Variants in ARL6IP6 observed in about 807,000 individuals in gnomAD.
ARL6IP6 encodes the protein ARF like GTPase 6 interacting protein 6.
Under a neutral mutation model 21.5 loss-of-function variants are expected in ARL6IP6, and 22 were observed. The ratio of observed to expected loss-of-function variants is 1.02; its 90% CI spans 0.73 to 1.46. ARL6IP6 has a LOEUF of 1.46. ARL6IP6 is among the 40% of genes most tolerant of loss of function. The probability of loss-of-function intolerance (pLI) is 0.00; values close to 1 mark genes in which losing one functional copy is unlikely to be tolerated. For missense variants in ARL6IP6, 388 were observed against 299.8 expected (o/e 1.29, Z -2.17); for synonymous variants, 164 against 125.3 (o/e 1.31, Z -2.06).
intron 2 of ARL6IP6, among the ~76,000 whole-genome samples, chr2:152,724,126 A>C (rs181211237): frequency 1.0e-5 from 1 of 100,074 alleles, no homozygotes; most frequent in Non-Finnish European, 2.9e-5. Context: ...AAAAAAAAAA[A>C]AGAGAGAAAG....
chr2:152,719,141 C>G, intron 1 of ARL6IP6, 117 bp downstream of exon 1: 1 of 1,193,362 alleles, frequency 8.4e-7, no homozygotes, highest in Non-Finnish European at 1.1e-6. Context: ...CAGCTGCTTT[C>G]ACCCAGAGTC....
intron 3 of ARL6IP6, among the ~76,000 whole-genome samples, chr2:152,739,279 C>A (rs1700699821): frequency 2.0e-5 from 3 of 152,142 alleles, no homozygotes; most frequent in Admixed American, 2.0e-4. Context: ...GCCACCGCAC[C>A]CAGCCAAAAC....
At chr2:152,736,492 T>C (rs1464321922) in intron 3 of ARL6IP6, among the ~76,000 whole-genome samples, 4 of 152,202 alleles carry the variant, frequency 2.6e-5, no homozygotes, top group Non-Finnish European at 5.9e-5. Context: ...GAAATTCTTA[T>C]TCATTGTATT....
intron 2 of ARL6IP6, among the ~76,000 whole-genome samples, chr2:152,729,006 C>G (rs572713929): frequency 2.7e-5 from 4 of 148,078 alleles, no homozygotes; most frequent in Non-Finnish European, 6.0e-5. Context: ...TGCAGTGAGC[C>G]GAGATTGCGC....
At chr2:152,742,590 AAAAG>A (rs1226911161) in intron 3 of ARL6IP6, among the ~76,000 whole-genome samples, 1 of 151,746 alleles carries the variant, frequency 6.6e-6, no homozygotes, top group Admixed American at 6.6e-5. Flanking sequence ...AAAAAAAAAA[AAAAG>A]AACTTTGGGG....
intron 3 of ARL6IP6, among the ~76,000 whole-genome samples, chr2:152,747,818 G>A (rs1428644020): frequency 6.6e-6 from 1 of 152,010 alleles, no homozygotes; most frequent in Non-Finnish European, 1.5e-5. Flanking sequence ...TGATCCACCC[G>A]CCTTGGCCTC....
At chr2:152,748,769 G>C (rs774704513) in intron 3 of ARL6IP6, among the ~76,000 whole-genome samples, 32 of 152,156 alleles carry the variant, frequency 2.1e-4, no homozygotes, top group Non-Finnish European at 3.1e-4. Context: ...CTGACATGTG[G>C]GAATACCTGT....
chr2:152,725,400 T>A (rs182249330), intron 2 of ARL6IP6, among the ~76,000 whole-genome samples: 49 of 152,286 alleles, frequency 3.2e-4, no homozygotes, highest in Non-Finnish European at 6.5e-4. Context: ...TTTTATGAGG[T>A]CTGCATCCTA....
intron 3 of ARL6IP6, among the ~76,000 whole-genome samples, chr2:152,750,309 A>G (rs1252920846): frequency 6.6e-6 from 1 of 151,958 alleles, no homozygotes; most frequent in East Asian, 1.9e-4. Context: ...CCCCATCTCT[A>G]CTAAAAATAC....
At chr2:152,718,502 T>G, upstream of ARL6IP6, 7 of 1,363,386 alleles carry the variant, frequency 5.1e-6, no homozygotes, top group African/African-American at 1.5e-5. Context: ...TTGCTCTCCG[T>G]GGTTTACCCC....
At chr2:152,717,915 G>GC, upstream of ARL6IP6, 1 of 1,004,632 alleles carries the variant, frequency 1.0e-6, no homozygotes, top group Non-Finnish European at 1.2e-6. Flanking sequence ...GCGCGCGCGC[G>GC]GTGCTCGAGG....
chr2:152,725,666 G>T (rs1700011200), intron 2 of ARL6IP6, among the ~76,000 whole-genome samples: 1 of 151,870 alleles, frequency 6.6e-6, no homozygotes, highest in African/African-American at 2.4e-5. Flanking sequence ...AAAAAAGCAG[G>T]AATAATGACA....
chr2:152,746,001 C>CTTTTTTTTTTTTTTTTTTTTTTTTT (rs67760283), intron 3 of ARL6IP6, among the ~76,000 whole-genome samples: 1 of 66,388 alleles, frequency 1.5e-5, no homozygotes, highest in Non-Finnish European at 2.4e-5. Flanking sequence ...TGCTTTGTAC[C>CTTTTTTTTTTTTTTTTTTTTTTTTT]TTTTTTTTTT....
chr2:152,756,815 G>A (rs571300943), intron 3 of ARL6IP6, among the ~76,000 whole-genome samples: 21 of 152,222 alleles, frequency 1.4e-4, no homozygotes, highest in Non-Finnish European at 2.6e-4. Context: ...AAACTCATAC[G>A]TTGATAGTGG....
chr2:152,725,114 T>A (rs1316103902), intron 2 of ARL6IP6, among the ~76,000 whole-genome samples: 1 of 152,202 alleles, frequency 6.6e-6, no homozygotes, highest in Admixed American at 6.5e-5. Flanking sequence ...TTATTCTTTC[T>A]TAGGGATCTT....
chr2:152,722,684 C>T (rs1468590089), intron 2 of ARL6IP6, among the ~76,000 whole-genome samples: 1 of 152,142 alleles, frequency 6.6e-6, no homozygotes, highest in Non-Finnish European at 1.5e-5. Flanking sequence ...GGGTGGATCA[C>T]TTGAGGTCAG....
intron 3 of ARL6IP6, 84 bp downstream of exon 3, chr2:152,735,210 C>T (rs961198780): frequency 3.4e-6 from 5 of 1,475,048 alleles, no homozygotes; most frequent in South Asian, 2.4e-5. Context: ...AGAGGCTGAT[C>T]GTGAGGTATG....
At chr2:152,733,360 A>G (rs73020862) in intron 2 of ARL6IP6, among the ~76,000 whole-genome samples, 6,328 of 152,010 alleles carry the variant, frequency 0.042, 278 homozygotes, top group African/African-American at 0.11. Flanking sequence ...ATGCCTCTGG[A>G]TTCAAGTGAT....
chr2:152,757,459 G>T (rs558770501), intron 3 of ARL6IP6, among the ~76,000 whole-genome samples: 1 of 152,242 alleles, frequency 6.6e-6, no homozygotes, highest in African/African-American at 2.4e-5. Flanking sequence ...ATTTATTGAA[G>T]ATATTAAACT....
Sources: gnomAD v4.1 joint callset for allele counts (sites outside exome capture counted in the v4.1 genomes callset) on GRCh38, gnomAD v4.1.1 for gene constraint, MANE v1.5 for transcripts, NCBI Gene and HGNC (gene_info 2026-07-23, HGNC 2026-07-21) for gene names.